PRELID2: variants seen among roughly 807,000 people sequenced by gnomAD.
PRELID2 encodes PRELI domain containing 2, also known as PRELI domain-containing protein 2.
In PRELID2, 25 loss-of-function variants were observed where a neutral mutation model predicts 28.4. The ratio of observed to expected loss-of-function variants is 0.88; its 90% CI spans 0.64 to 1.23. The LOEUF (loss-of-function observed/expected upper bound fraction) is 1.23, where lower values mean the gene tolerates loss of function less well. Among genes scored for constraint, PRELID2 ranks in the 50% most tolerant of loss-of-function variants. The pLI is 0.00. For synonymous variants in PRELID2, 76 were observed against 71.6 expected (o/e 1.06, Z -0.31); for missense variants, 201 against 214.4 (o/e 0.94, Z 0.39).
At chr5:145,643,726 G>T (rs1364125151) in intron 1 of PRELID2, among the ~76,000 whole-genome samples, 4 of 152,040 alleles carry the variant, frequency 2.6e-5, no homozygotes, top group African/African-American at 9.7e-5. Context: ...GCATGAAGGG[G>T]TGTTGAATTT....
chr5:145,543,152 A>T (rs1363485930), intron 1 of PRELID2, among the ~76,000 whole-genome samples: 8 of 152,094 alleles, frequency 5.3e-5, no homozygotes, highest in Admixed American at 3.3e-4. Flanking sequence ...ATCCCATTTG[A>T]AATTTCACAT....
Position 145,507,055 on chromosome 5 carries a change from A to G in PRELID2, n.71-33740T>C, listed in dbSNP as rs192499059. On this transcript the variant is annotated intron_variant and non_coding_transcript_variant, in intron 1 of 2. Transcript: ENST00000510259. ...CTTATTCACTATTTAAACTGCAACT[A>G]GAGCATCACTTAGCATACAGTAAGG... Among the ~76,000 whole-genome samples, 703 of 152,326 alleles carry G rather than the reference A, an allele frequency of 4.6e-3. 27 individuals are homozygous for G. Among genetic ancestry groups the G allele is most frequent in the Admixed American group, 0.043 (661 of 15,290 alleles).
intron 1 of PRELID2, among the ~76,000 whole-genome samples, chr5:145,824,461 T>TGA (rs1755041739): frequency 7.0e-6 from 1 of 143,866 alleles, no homozygotes; most frequent in South Asian, 2.2e-4. Flanking sequence ...TGTGTGTGTG[T>TGA]GTGATATTGA....
chr5:145,281,162 C>T, the PRELID2 span, among the ~76,000 whole-genome samples: 55,799 of 151,934 alleles, frequency 0.37, 11,383 homozygotes, highest in African/African-American at 0.54. Flanking sequence ...GCATACCTTT[C>T]TTCTTAGCAA....
chr5:145,421,695 C>A, the PRELID2 span, among the ~76,000 whole-genome samples: 1 of 144,146 alleles, frequency 6.9e-6, no homozygotes, highest in Admixed American at 7.2e-5. Context: ...CTCCTGGATT[C>A]ATTAATTTTT....
intron 1 of PRELID2, among the ~76,000 whole-genome samples, chr5:145,666,888 T>G (rs1416686585): frequency 6.6e-6 from 1 of 152,090 alleles, no homozygotes; most frequent in Non-Finnish European, 1.5e-5. Flanking sequence ...AGCACACCAA[T>G]TCAGAACTGA....
chr5:145,351,704 G>C, the PRELID2 span, among the ~76,000 whole-genome samples: 5 of 152,022 alleles, frequency 3.3e-5, no homozygotes. Flanking sequence ...CAAGTCCCAG[G>C]TCTCATCTGA....
chr5:145,288,994 G>A, the PRELID2 span, among the ~76,000 whole-genome samples: 1 of 152,038 alleles, frequency 6.6e-6, no homozygotes, highest in East Asian at 1.9e-4. Flanking sequence ...TTTGCCTTTA[G>A]TCTTAAGATT....
chr5:145,809,375 A>G (rs545566415), intron 4 of PRELID2, among the ~76,000 whole-genome samples: 1 of 151,926 alleles, frequency 6.6e-6, no homozygotes, highest in South Asian at 2.1e-4. Flanking sequence ...GCCATGGCCC[A>G]GCTATGCCCG....
At chr5:145,439,426 A>G in the PRELID2 span, among the ~76,000 whole-genome samples, 43 of 152,060 alleles carry the variant, frequency 2.8e-4, no homozygotes, top group Admixed American at 2.8e-3. Flanking sequence ...TATAAATTTC[A>G]TATACCTCTG....
chr5:145,541,964 T>C (rs988639969), intron 1 of PRELID2, among the ~76,000 whole-genome samples: 1 of 152,074 alleles, frequency 6.6e-6, no homozygotes, highest in East Asian at 1.9e-4. Context: ...TGTTCTACAT[T>C]AGAAGAAATT....
chr5:145,501,108 A>C (rs1752356492), intron 1 of PRELID2, among the ~76,000 whole-genome samples: 2 of 152,178 alleles, frequency 1.3e-5, no homozygotes, highest in South Asian at 4.1e-4. Flanking sequence ...ATAGAAAGCC[A>C]AACTCATAGT....
intron 1 of PRELID2, among the ~76,000 whole-genome samples, chr5:145,489,585 C>A (rs1022159998): frequency 1.3e-5 from 2 of 152,156 alleles, no homozygotes; most frequent in African/African-American, 4.8e-5. Flanking sequence ...CATTCTTTCC[C>A]TGTAACAACA....
At chr5:145,582,260 C>G (rs1002805820) in intron 1 of PRELID2, among the ~76,000 whole-genome samples, 2 of 151,992 alleles carry the variant, frequency 1.3e-5, no homozygotes, top group Admixed American at 6.6e-5. Flanking sequence ...GGTTTATTGA[C>G]TCACAGTTCT....
At chr5:145,531,493 T>G (rs1639685542) in intron 1 of PRELID2, among the ~76,000 whole-genome samples, 1 of 152,174 alleles carries the variant, frequency 6.6e-6, no homozygotes, top group South Asian at 2.1e-4. Context: ...TGGAAAACTG[T>G]TTGGCAAGTG....
At chr5:145,410,892 T>C in the PRELID2 span, among the ~76,000 whole-genome samples, 2 of 152,088 alleles carry the variant, frequency 1.3e-5, no homozygotes, top group Non-Finnish European at 2.9e-5. Context: ...CAAAGTCTCA[T>C]CTGAGTCAAA....
chr5:145,240,747 A>C, the PRELID2 span, among the ~76,000 whole-genome samples: 1 of 151,996 alleles, frequency 6.6e-6, no homozygotes, highest in African/African-American at 2.4e-5. Context: ...TCATACTATA[A>C]CTGCTTTATA....
the PRELID2 span, among the ~76,000 whole-genome samples, chr5:145,288,972 T>A: frequency 6.6e-6 from 1 of 152,176 alleles, no homozygotes; most frequent in African/African-American, 2.4e-5. Flanking sequence ...ATTACAGTGC[T>A]TTTGTGGTAC....
the PRELID2 span, among the ~76,000 whole-genome samples, chr5:145,425,132 C>T: frequency 6.6e-6 from 1 of 151,798 alleles, no homozygotes; most frequent in Non-Finnish European, 1.5e-5. Flanking sequence ...AGAAGACATA[C>T]GTATGGCCAA....
Sources: gnomAD v4.1 joint callset for allele counts (sites outside exome capture counted in the v4.1 genomes callset) on GRCh38, gnomAD v4.1.1 for gene constraint, MANE v1.5 for transcripts, NCBI Gene and HGNC (gene_info 2026-07-23, HGNC 2026-07-21) for gene names.